BMAL1: variants seen among roughly 807,000 people sequenced by gnomAD.
BMAL1 encodes the protein basic helix-loop-helix ARNT like 1.
chr11:13,354,200 G>GCCCCCCCCACCCAAA, the BMAL1 span: 2 of 364,714 alleles, frequency 5.5e-6, no homozygotes, highest in South Asian at 4.1e-5. Context: ...TCCCCCCCCG[G>GCCCCCCCCACCCAAA]CCCCCCACCA....
chr11:13,297,555 G>A, the BMAL1 span, among the ~76,000 whole-genome samples: 4 of 152,226 alleles, frequency 2.6e-5, no homozygotes, highest in Non-Finnish European at 5.9e-5. Flanking sequence ...GTATTGGTGT[G>A]AGGGTGGGCA....
chr11:13,283,600 C>T, the BMAL1 span, among the ~76,000 whole-genome samples: 1 of 152,150 alleles, frequency 6.6e-6, no homozygotes, highest in Non-Finnish European at 1.5e-5. Flanking sequence ...TGGGAGGAAA[C>T]ACCCCGTTAT....
At chr11:13,290,269 C>T in the BMAL1 span, among the ~76,000 whole-genome samples, 101 of 152,242 alleles carry the variant, frequency 6.6e-4, no homozygotes, top group African/African-American at 2.3e-3. Context: ...TGGGCATGGA[C>T]GGAAAAGTTA....
chr11:13,325,657 TTGTGTGTGTG>T, the BMAL1 span, among the ~76,000 whole-genome samples: 20 of 134,412 alleles, frequency 1.5e-4, no homozygotes, highest in African/African-American at 3.4e-4. Flanking sequence ...TTGAGACCTT[TTGTGTGTGTG>T]TGTGTGTGTG....
the BMAL1 span, among the ~76,000 whole-genome samples, chr11:13,280,014 G>C: frequency 2.6e-5 from 4 of 152,216 alleles, no homozygotes; most frequent in African/African-American, 9.6e-5. Flanking sequence ...TCTAGGTTGT[G>C]TTTGCCTCTG....
the BMAL1 span, among the ~76,000 whole-genome samples, chr11:13,297,420 T>C: frequency 6.6e-6 from 1 of 152,186 alleles, no homozygotes; most frequent in East Asian, 1.9e-4. Context: ...TTGATTTATG[T>C]TTTTAAGGGT....
chr11:13,364,584 T>TG, the BMAL1 span, among the ~76,000 whole-genome samples: 1 of 151,842 alleles, frequency 6.6e-6, no homozygotes, highest in Non-Finnish European at 1.5e-5. Flanking sequence ...CATGACAGAG[T>TG]GGGGCACACC....
the BMAL1 span, among the ~76,000 whole-genome samples, chr11:13,313,577 A>G: frequency 2.6e-5 from 4 of 151,902 alleles, no homozygotes; most frequent in Non-Finnish European, 5.9e-5. Flanking sequence ...CTTGGTTACC[A>G]CATCCTGAAG....
At chr11:13,365,393 C>A in the BMAL1 span, 3 of 866,644 alleles carry the variant, frequency 3.5e-6, no homozygotes, top group East Asian at 3.0e-5. Flanking sequence ...TGTTAGTGTT[C>A]CTGTGCTTTG....
chr11:13,317,218 G>A, the BMAL1 span, among the ~76,000 whole-genome samples: 1 of 152,196 alleles, frequency 6.6e-6, no homozygotes, highest in South Asian at 2.1e-4. Flanking sequence ...TGTGATGAAA[G>A]GGAGATGGTA....
chr11:13,364,859 G>A, the BMAL1 span, among the ~76,000 whole-genome samples: 1 of 152,174 alleles, frequency 6.6e-6, no homozygotes, highest in Admixed American at 6.5e-5. Flanking sequence ...GCCCTGGATG[G>A]AGGGATAACA....
chr11:13,319,176 A>G, the BMAL1 span, among the ~76,000 whole-genome samples: 1 of 152,248 alleles, frequency 6.6e-6, no homozygotes, highest in Non-Finnish European at 1.5e-5. Context: ...ATATGTACAG[A>G]TAAATGTACT....
At chr11:13,283,122 G>A in the BMAL1 span, among the ~76,000 whole-genome samples, 2,211 of 152,270 alleles carry the variant, frequency 0.015, 66 homozygotes, top group African/African-American at 0.05. Context: ...ACCTTAGTAT[G>A]TGCTGTCCTT....
chr11:13,354,840 C>T, the BMAL1 span: 1 of 232,860 alleles, frequency 4.3e-6, no homozygotes, highest in African/African-American at 2.3e-5. Flanking sequence ...CTGAGGAAGA[C>T]AGCAAGTGTC....
At chr11:13,374,219 A>C in the BMAL1 span, 1 of 1,604,842 alleles carries the variant, frequency 6.2e-7, no homozygotes, top group South Asian at 1.1e-5. Context: ...AGGATGTATG[A>C]AAGATCTTAA....
chr11:13,329,626 G>C, the BMAL1 span, among the ~76,000 whole-genome samples: 1 of 152,206 alleles, frequency 6.6e-6, no homozygotes, highest in Non-Finnish European at 1.5e-5. Context: ...GTGGCACACT[G>C]TCATCTCCTG....
chr11:13,344,164 G>A, the BMAL1 span, among the ~76,000 whole-genome samples: 8 of 152,120 alleles, frequency 5.3e-5, no homozygotes, highest in Non-Finnish European at 1.0e-4. Flanking sequence ...AGACCTCTTC[G>A]CTGGTCTCAT....
chr11:13,305,311 T>C, the BMAL1 span, among the ~76,000 whole-genome samples: 2 of 152,200 alleles, frequency 1.3e-5, no homozygotes, highest in South Asian at 2.1e-4. Flanking sequence ...GGCTAAACCA[T>C]AGAATGGCTA....
the BMAL1 span, among the ~76,000 whole-genome samples, chr11:13,324,004 C>CA: frequency 6.6e-6 from 1 of 152,274 alleles, no homozygotes; most frequent in South Asian, 2.1e-4. Flanking sequence ...CTGTAGTAAC[C>CA]AGATCAGAAT....
Sources: allele counts gnomAD v4.1 joint callset (sites outside exome capture counted in the v4.1 genomes callset), GRCh38; gene constraint gnomAD v4.1.1; transcripts MANE v1.5; gene names NCBI Gene and HGNC (gene_info 2026-07-23, HGNC 2026-07-21).